The following GRIP1 variants were observed in gnomAD, a reference collection of about 807,000 sequenced individuals.
GRIP1 encodes glutamate receptor interacting protein 1.
GRIP1 carries 45 observed loss-of-function variants against 129.9 expected under a neutral mutation model. That is an observed-to-expected ratio of 0.35 (90% CI 0.27 to 0.44). The LOEUF is 0.44. Ranked by LOEUF, GRIP1 falls within the 20% of genes least tolerant of loss-of-function variation. The pLI is 1.00. For missense variants in GRIP1, 1,196 were observed against 1,396.8 expected, an observed-to-expected ratio of 0.86 and a Z score of 2.29; for synonymous variants, 530 against 520.8, an observed-to-expected ratio of 1.02 and a Z score of -0.24.
At chr12:66,982,246 T>C (rs2042250371) in intron 1 of GRIP1, among the ~76,000 whole-genome samples, 1 of 152,168 alleles carries the variant, frequency 6.6e-6, no homozygotes, top group African/African-American at 2.4e-5. Context: ...GCATACCCAA[T>C]ATCCAATGTC....
At chr12:66,832,734 T>C (rs1437651666) in intron 1 of GRIP1, among the ~76,000 whole-genome samples, 1 of 152,140 alleles carries the variant, frequency 6.6e-6, no homozygotes, top group African/African-American at 2.4e-5. Flanking sequence ...CTTAGGCAAA[T>C]CTTTAAAAAT....
chr12:67,024,425 A>C (rs1362831078), intron 1 of GRIP1, among the ~76,000 whole-genome samples: 1 of 152,148 alleles, frequency 6.6e-6, no homozygotes, highest in East Asian at 1.9e-4. Flanking sequence ...GTTTTAAATC[A>C]GAGCAATGAA....
At chr12:66,718,652 A>G (rs545307491) in intron 1 of GRIP1, among the ~76,000 whole-genome samples, 17 of 152,134 alleles carry the variant, frequency 1.1e-4, no homozygotes, top group African/African-American at 3.9e-4. Context: ...GGAGTTTGAG[A>G]CCAGCCTAAC....
At chr12:66,943,349 G>A (rs1255539317) in intron 1 of GRIP1, among the ~76,000 whole-genome samples, 1 of 152,202 alleles carries the variant, frequency 6.6e-6, no homozygotes, top group African/African-American at 2.4e-5. Flanking sequence ...GGGATGAGGA[G>A]AGAGAGCACG....
At chr12:67,011,221 C>T (rs1293289706) in intron 1 of GRIP1, among the ~76,000 whole-genome samples, 2 of 152,122 alleles carry the variant, frequency 1.3e-5, no homozygotes, top group African/African-American at 2.4e-5. Flanking sequence ...AACGACATCT[C>T]CATTCACCCC....
chr12:66,939,597 G>A (rs538220662), intron 1 of GRIP1, among the ~76,000 whole-genome samples: 44 of 152,140 alleles, frequency 2.9e-4, no homozygotes, highest in African/African-American at 1.0e-3. Context: ...ATTCCAACTG[G>A]GGCATGGGCT....
intron 1 of GRIP1, among the ~76,000 whole-genome samples, chr12:66,611,936 C>T (rs1201934190): frequency 6.6e-6 from 1 of 152,106 alleles, no homozygotes; most frequent in Non-Finnish European, 1.5e-5. Flanking sequence ...AGAGAGAGAA[C>T]ATGGCAAGTG....
chr12:66,430,466 A>T (rs1173213654), intron 14 of GRIP1, among the ~76,000 whole-genome samples: 1 of 152,156 alleles, frequency 6.6e-6, no homozygotes, highest in East Asian at 1.9e-4. Context: ...GGGTTTTTAG[A>T]TTGTTGCCAT....
chr12:66,438,090 T>C (rs1185729261), intron 13 of GRIP1, among the ~76,000 whole-genome samples: 1 of 152,256 alleles, frequency 6.6e-6, no homozygotes. Flanking sequence ...ATTGTAGTTA[T>C]TGTACATTCT....
At chr12:66,615,770 G>A (rs971495882) in intron 1 of GRIP1, among the ~76,000 whole-genome samples, 1 of 152,100 alleles carries the variant, frequency 6.6e-6, no homozygotes, top group African/African-American at 2.4e-5. Flanking sequence ...TCAGCCTCCC[G>A]AGTAGCTGGG....
intron 1 of GRIP1, among the ~76,000 whole-genome samples, chr12:66,769,225 A>ATTTTTT (rs112284216): frequency 6.9e-6 from 1 of 144,756 alleles, no homozygotes; most frequent in Non-Finnish European, 1.5e-5. Context: ...CCAAATGGAA[A>ATTTTTT]TTTTTTTTTT....
intron 1 of GRIP1, chr12:66,626,605 T>G (rs1198336297): frequency 6.6e-6 from 1 of 152,266 alleles, no homozygotes; most frequent in East Asian, 1.9e-4. Flanking sequence ...CTGATAAATG[T>G]GCTCTGTCCT....
intron 1 of GRIP1, among the ~76,000 whole-genome samples, chr12:66,691,046 T>G (rs2034966728): frequency 6.6e-6 from 1 of 152,204 alleles, no homozygotes; most frequent in East Asian, 1.9e-4. Flanking sequence ...GCTAGCCAGC[T>G]ATGCTATTTG....
chr12:66,720,459 A>G (rs1312207284), intron 1 of GRIP1, among the ~76,000 whole-genome samples: 1 of 152,174 alleles, frequency 6.6e-6, no homozygotes, highest in African/African-American at 2.4e-5. Flanking sequence ...TGGCTGCGTC[A>G]ATTGATTCTT....
chr12:66,650,246 G>A (rs942408542), intron 1 of GRIP1, among the ~76,000 whole-genome samples: 6 of 151,498 alleles, frequency 4.0e-5, no homozygotes, highest in African/African-American at 1.5e-4. Flanking sequence ...ATTCTTAAAA[G>A]ATCTTATGGG....
intron 1 of GRIP1, among the ~76,000 whole-genome samples, chr12:66,722,974 A>G (rs2036105756): frequency 6.6e-6 from 1 of 151,762 alleles, no homozygotes; most frequent in South Asian, 2.1e-4. Context: ...AAGCCCTTTC[A>G]TCAAATCAAT....
intron 1 of GRIP1, among the ~76,000 whole-genome samples, chr12:66,699,502 CT>C (rs1391084671): frequency 6.6e-6 from 1 of 152,060 alleles, no homozygotes; most frequent in East Asian, 1.9e-4. Context: ...GGGGTTTCCC[CT>C]TTTACTCTTC....
intron 7 of GRIP1, among the ~76,000 whole-genome samples, chr12:66,472,335 C>A (rs2059461688): frequency 6.6e-6 from 1 of 152,158 alleles, no homozygotes; most frequent in Non-Finnish European, 1.5e-5. Context: ...CCCTTGGGAT[C>A]CCATGCCAAG....
In GRIP1 at chr12:66,408,762, G is replaced by A. The variant is rs562892892; in HGVS notation, c.1839-2334C>T. Among the ~76,000 whole-genome samples, 16 of 152,320 alleles carry A rather than the reference G, an allele frequency of 1.1e-4. No individual in the cohort carries two copies. In the South Asian group the frequency reaches 1.7e-3, roughly 16 times the overall value. On this transcript the variant is annotated intron_variant, in intron 15 of 24. Coordinates refer to ENST00000359742, the MANE Select transcript of GRIP1 (RefSeq NM_001366722.1). ...TGATTCTAGGCCTTAGCTCTTGGAC[G>A]TTTGTGGACCTGCTCTGGGACAGAG...
Sources: allele counts gnomAD v4.1 joint callset (sites outside exome capture counted in the v4.1 genomes callset), GRCh38; gene constraint gnomAD v4.1.1; transcripts MANE v1.5; gene names NCBI Gene and HGNC (gene_info 2026-07-23, HGNC 2026-07-21).